CPNE8: variants seen among roughly 807,000 people sequenced by gnomAD.
The protein encoded by CPNE8 is copine 8.
A neutral mutation model predicts 81.5 loss-of-function variants in CPNE8; 45 were observed. That is an observed-to-expected ratio of 0.55 (90% CI 0.44 to 0.71). CPNE8 has a LOEUF of 0.71. Among genes scored for constraint, CPNE8 ranks in the 30% least tolerant of loss-of-function variants. CPNE8 has a pLI of 0.00. For missense variants in CPNE8, 594 were observed against 672.1 expected (o/e 0.88, Z 1.28); for synonymous variants, 252 against 226.3 (o/e 1.11, Z -1.02).
intron 6 of CPNE8, among the ~76,000 whole-genome samples, chr12:38,780,891 G>T (rs191310646): frequency 1.3e-5 from 2 of 152,014 alleles, no homozygotes; most frequent in East Asian, 3.9e-4. Context: ...ACAGATGGGA[G>T]ATCTAAGATG....
At position 38,760,931 on chromosome 12, in the gene CPNE8, T is replaced by A. The variant is rs862332; in HGVS notation, c.681-43A>T. Reference sequence around the variant, plus strand: ...ATACACATAAAGTTACTTAGTAAGATCAAAATAATGTATGGTTGAGAATTT... The same window carrying A: ...ATACACATAAAGTTACTTAGTAAGAACAAAATAATGTATGGTTGAGAATTT... On this transcript the variant is annotated intron_variant, in intron 9 of 19. Coordinates refer to ENST00000331366, the MANE Select transcript of CPNE8 (RefSeq NM_153634.3). 119,118 of 1,362,124 alleles carry A rather than the reference T, an allele frequency of 0.087. 7,252 individuals are homozygous for A. Among genetic ancestry groups the A allele is most frequent in the East Asian group, 0.26 (10,049 of 38,590 alleles). 84.4% of individuals were successfully genotyped at this position (1,362,124 alleles called of 1,614,324 possible).
intron 1 of CPNE8, among the ~76,000 whole-genome samples, chr12:38,901,583 A>T (rs1282992414): frequency 6.6e-6 from 1 of 152,240 alleles, no homozygotes; most frequent in Non-Finnish European, 1.5e-5. Flanking sequence ...AAAAATCTAC[A>T]AATTTATACA....
chr12:38,703,609 A>C (rs1940010044), intron 13 of CPNE8, among the ~76,000 whole-genome samples: 1 of 152,196 alleles, frequency 6.6e-6, no homozygotes, highest in East Asian at 1.9e-4. Context: ...CTGGCCAATC[A>C]GGCAAGAGAA....
At chr12:38,812,324 G>A (rs1012376555) in intron 6 of CPNE8, among the ~76,000 whole-genome samples, 2 of 152,182 alleles carry the variant, frequency 1.3e-5, no homozygotes, top group African/African-American at 4.8e-5. Flanking sequence ...AGACATACCT[G>A]AGACTGGGTA....
At chr12:38,793,354 A>ACACT (rs71068579) in intron 6 of CPNE8, among the ~76,000 whole-genome samples, 1 of 146,652 alleles carries the variant, frequency 6.8e-6, no homozygotes, top group East Asian at 2.0e-4. Context: ...ACACACACAC[A>ACACT]CTGTTAGAAC....
intron 14 of CPNE8, among the ~76,000 whole-genome samples, chr12:38,702,348 C>T (rs1676523455): frequency 6.6e-6 from 1 of 151,940 alleles, no homozygotes; most frequent in Admixed American, 6.6e-5. Context: ...TGTTATATAT[C>T]CGTCCCTCTG....
At chr12:38,857,336 A>T (rs1943757875) in intron 3 of CPNE8, among the ~76,000 whole-genome samples, 1 of 152,354 alleles carries the variant, frequency 6.6e-6, no homozygotes, top group Middle Eastern at 3.4e-3. Flanking sequence ...TAAATAAAAC[A>T]TAGATCTGTC....
chr12:38,778,796 C>T (rs1270831986), intron 6 of CPNE8, among the ~76,000 whole-genome samples: 1 of 152,170 alleles, frequency 6.6e-6, no homozygotes, highest in South Asian at 2.1e-4. Context: ...CTTGTAAGCA[C>T]AGAGTTAAAT....
chr12:38,685,057 G>A (rs943533999), intron 16 of CPNE8, among the ~76,000 whole-genome samples: 1 of 152,218 alleles, frequency 6.6e-6, no homozygotes, highest in East Asian at 1.9e-4. Flanking sequence ...TTAAAATAAT[G>A]TGCCCTATAT....
At chr12:38,711,327 C>T (rs1053429461) in intron 13 of CPNE8, among the ~76,000 whole-genome samples, 13 of 152,238 alleles carry the variant, frequency 8.5e-5, no homozygotes, top group South Asian at 2.1e-4. Flanking sequence ...CTAGTCCTGA[C>T]GATGAGGCAT....
intron 13 of CPNE8, among the ~76,000 whole-genome samples, chr12:38,709,578 G>A (rs1207370785): frequency 6.6e-6 from 1 of 152,138 alleles, no homozygotes; most frequent in Non-Finnish European, 1.5e-5. Context: ...GACCATAAAA[G>A]AACCTGTCCT....
intron 3 of CPNE8, among the ~76,000 whole-genome samples, chr12:38,870,798 A>C (rs1023489955): frequency 1.3e-5 from 2 of 151,196 alleles, no homozygotes; most frequent in African/African-American, 4.8e-5. Flanking sequence ...TAATAAAAAT[A>C]AATAAATAAA....
intron 10 of CPNE8, among the ~76,000 whole-genome samples, chr12:38,760,494 T>G (rs1181443147): frequency 6.8e-6 from 1 of 147,842 alleles, no homozygotes; most frequent in Admixed American, 6.7e-5. Context: ...ATGCAAAGCT[T>G]ACTTGTGTTC....
intron 10 of CPNE8, among the ~76,000 whole-genome samples, chr12:38,738,566 C>T (rs1160563577): frequency 6.6e-6 from 1 of 152,092 alleles, no homozygotes; most frequent in Non-Finnish European, 1.5e-5. Context: ...GACCATCCTA[C>T]CACTTTAGTG....
chr12:38,767,684 C>A lies in CPNE8; in HGVS notation c.526G>T (p.Gly176Ter). The change falls in exon 8 of 20, where the codon GGA (glycine) becomes TGA (stop). Residue 176 changes from glycine (G) to a stop codon, truncating the protein, a stop_gained. Transcript: ENST00000331366. LOFTEE classifies it high-confidence loss of function. ...AATACAAGGAAAGGATCTGATTTTC[C>A]AAAGAAGTCCTTCTTGTCCAATTTG... ...ANKLDKKDFFGKSDPFLVFYR... is the reference protein window; with the variant it reads ...ANKLDKKDFF The A allele has an allele frequency of 6.4e-7, 1 of 1,562,132 alleles. No individual in the cohort carries two copies. The highest frequency in any genetic ancestry group is 8.6e-7 in the Non-Finnish European group (1 of 1,161,244).
chr12:38,719,584 G>GGA (rs1555147475), intron 13 of CPNE8, among the ~76,000 whole-genome samples: 3 of 124,192 alleles, frequency 2.4e-5, no homozygotes, highest in South Asian at 2.6e-4. Context: ...ATTGTCTCAG[G>GGA]AAAAAAAAAA....
intron 6 of CPNE8, among the ~76,000 whole-genome samples, chr12:38,796,418 G>C (rs185475154): frequency 6.6e-6 from 1 of 152,096 alleles, no homozygotes; most frequent in Non-Finnish European, 1.5e-5. Context: ...AATGATAAAA[G>C]ATTGATGATT....
chr12:38,695,640 A>T (rs182834433), intron 14 of CPNE8, among the ~76,000 whole-genome samples: 2 of 152,290 alleles, frequency 1.3e-5, no homozygotes, highest in Admixed American at 1.3e-4. Context: ...TAAAAATACC[A>T]TTACTAGACT....
intron 6 of CPNE8, among the ~76,000 whole-genome samples, chr12:38,780,755 G>C (rs1159565326): frequency 2.0e-5 from 3 of 151,984 alleles, no homozygotes; most frequent in African/African-American, 4.8e-5. Context: ...AAACAGTAAA[G>C]ATCTATTCTA....
Sources: gnomAD v4.1 joint callset for allele counts (sites outside exome capture counted in the v4.1 genomes callset) on GRCh38, gnomAD v4.1.1 for gene constraint, MANE v1.5 for transcripts, NCBI Gene and HGNC (gene_info 2026-07-23, HGNC 2026-07-21) for gene names.